Variants in CTSV observed in about 807,000 individuals in gnomAD.
The protein encoded by CTSV is cathepsin L2.
CTSV carries 33 observed loss-of-function variants against 35.6 expected under a neutral mutation model. That is an observed-to-expected ratio of 0.93 (90% CI 0.70 to 1.24). The LOEUF (loss-of-function observed/expected upper bound fraction) is 1.24, where lower values mean the gene tolerates loss of function less well. Ranked by LOEUF, CTSV falls within the 50% of genes most tolerant of loss-of-function variation. The probability of loss-of-function intolerance (pLI) is 0.00; values close to 1 mark genes in which losing one functional copy is unlikely to be tolerated. For synonymous variants in CTSV, 154 were observed against 147.1 expected (o/e 1.05, Z -0.34); for missense variants, 408 against 413.1 (o/e 0.99, Z 0.11).
Position 97,032,781 on chromosome 9 carries a change from G to T in CTSV, c.*168C>A, listed in dbSNP as rs1828775625. ...AAAGCTGTGTATAACAATAATTAAAGTAGTGGTAACATTTTACCCTTGTAA... is the reference window on the plus strand; with the variant it reads ...AAAGCTGTGTATAACAATAATTAAATTAGTGGTAACATTTTACCCTTGTAA... On this transcript the variant is annotated 3_prime_UTR_variant, in exon 8 of 8. Coordinates refer to ENST00000259470, the MANE Select transcript of CTSV (RefSeq NM_001333.4). 1 of 489,614 alleles carries T rather than the reference G, an allele frequency of 2.0e-6. No individual in the cohort carries two copies. Among genetic ancestry groups the T allele is most frequent in the Non-Finnish European group, 3.6e-6 (1 of 277,308 alleles). The allele number at this position is 489,614 out of a possible 1,614,324, so 30.3% of individuals were successfully genotyped here. A position where few individuals can be genotyped will look rare whatever the true frequency, so the allele number is the denominator to read the frequency against.
rs780898535 is a variant in CTSV at position 97,033,019 on chromosome 9, T to C, written c.935A>G (p.Tyr312Cys). 6.8e-6 allele frequency: 11 copies of C among 1,613,294 alleles called. No individual in the cohort carries two copies. The highest frequency in any genetic ancestry group is 2.2e-5 in the East Asian group (1 of 44,872). Residue 312 changes from tyrosine to cysteine, a missense_variant, in exon 8 of 8, where the codon TAT (tyrosine) becomes TGT (cysteine). Coordinates refer to ENST00000259470, the MANE Select transcript of CTSV (RefSeq NM_001333.4). ...GTTCTTGTCTTTGGCTATTTTTACATAGCCATTCGAGCCCCATTCTGGACC... is the reference window on the plus strand; with the variant it reads ...GTTCTTGTCTTTGGCTATTTTTACACAGCCATTCGAGCCCCATTCTGGACC... ...SWGPEWGSNGYVKIAKDKNNH... is the reference protein window; with the variant it reads ...SWGPEWGSNGCVKIAKDKNNH...
At chr9:97,033,452 TTA>T (rs1828790066) in intron 7 of CTSV, among the ~76,000 whole-genome samples, 1 of 109,280 alleles carries the variant, frequency 9.2e-6, no homozygotes, top group African/African-American at 4.6e-5. Flanking sequence ...CTCTACTAAA[TTA>T]AAAAAAAAAA....
In CTSV at chr9:97,039,142, T is replaced by C. The variant is rs544247118; in HGVS notation, c.-82A>G. ...GAGATTACAGACGTCCGCGGTCTGG[T>C]GCAGGTTCGCCCGCCTCGGGATTTA... On this transcript the variant is annotated 5_prime_UTR_variant, in exon 1 of 8. Coordinates refer to ENST00000259470, the MANE Select transcript of CTSV (RefSeq NM_001333.4). 1.2e-3 allele frequency: 186 copies of C among 152,418 alleles called. 1 individual carries two copies. The highest frequency in any genetic ancestry group is 4.2e-3 in the African/African-American group (174 of 41,588). 9.4% of individuals were successfully genotyped at this position (152,418 alleles called of 1,614,324 possible).
rs1211822782 is a variant in CTSV, at chr9:97,030,972, A to G, written c.*1977T>C. 6.6e-6 allele frequency: 1 copy of G among 152,262 alleles called. No homozygotes were observed. The highest frequency in any genetic ancestry group is 1.5e-5 in the Non-Finnish European group (1 of 68,048). 9.4% of individuals were successfully genotyped at this position (152,262 alleles called of 1,614,324 possible). On this transcript the variant is annotated 3_prime_UTR_variant, in exon 8 of 8. Coordinates refer to ENST00000259470, the MANE Select transcript of CTSV (RefSeq NM_001333.4). Reference sequence around the variant, plus strand: ...GCTTGTTTGAAAAACGCTTTTAGACAACACATCAGGTTTGTAACTTTTCAC... The same window carrying G: ...GCTTGTTTGAAAAACGCTTTTAGACGACACATCAGGTTTGTAACTTTTCAC...
Position 97,035,547 on chromosome 9 carries a change from G to T in CTSV, c.768C>A (p.Ser256=), listed in dbSNP as rs1444254335. 6.4e-7 allele frequency: 1 copy of T among 1,554,774 alleles called. No homozygotes were observed. The highest frequency in any genetic ancestry group is 8.7e-7 in the Non-Finnish European group (1 of 1,146,226). Residue 256 remains serine, a synonymous_variant, in exon 6 of 8, where the codon TCC becomes TCA. Coordinates refer to ENST00000259470, the MANE Select transcript of CTSV (RefSeq NM_001333.4). ...ISVAMDAGHS[S]FQFYKSGIYF... ...ACTTACCTGATTTGTAGAACTGGAA[G>T]GACGAATGGCCTGCATCCATAGCAA...
chr9:97,038,148 T>C lies in CTSV; in HGVS notation c.-10-95A>G, dbSNP rs1194408533. The C allele has an allele frequency of 6.1e-6, 8 of 1,309,714 alleles. No individual in the cohort carries two copies. The East Asian group carries it at 1.8e-4, about 29-fold the overall frequency. 81.1% of individuals were successfully genotyped at this position (1,309,714 alleles called of 1,614,324 possible). ...ATAGAAATATTTCAATTATTCTCCC[T>C]AGCATTTCCCCAAGGACTGTGGAAG... On this transcript the variant is annotated intron_variant, in intron 1 of 7. Coordinates refer to ENST00000259470, the MANE Select transcript of CTSV (RefSeq NM_001333.4).
chr9:97,035,089 T>A (rs538608725), intron 6 of CTSV, among the ~76,000 whole-genome samples: 1 of 152,120 alleles, frequency 6.6e-6, no homozygotes, highest in African/African-American at 2.4e-5. Flanking sequence ...CCAAAAAAAA[T>A]GAAAATCCAA....
chr9:97,035,571 A>C lies in CTSV; in HGVS notation c.744T>G (p.Val248=), dbSNP rs1828832650. 14 of 1,592,180 alleles carry C rather than the reference A, an allele frequency of 8.8e-6. No individual in the cohort carries two copies. The highest frequency in any genetic ancestry group is 8.6e-6 in the Non-Finnish European group (10 of 1,166,916). ...AGGACGAATGGCCTGCATCCATAGC[A>C]ACGGAGATGGGCCCCACAGTTGCGA... The part of the protein sequence containing the change: ...KAVATVGPIS[V]AMDAGHSSFQ... The change falls in exon 6 of 8, where the codon GTT becomes GTG. Residue 248 remains valine (V), a synonymous_variant. Transcript: ENST00000259470.
chr9:97,037,227 G>A, intron 4 of CTSV, 25 bp downstream of exon 4: 1 of 1,605,556 alleles, frequency 6.2e-7, no homozygotes, highest in Non-Finnish European at 8.5e-7. Flanking sequence ...TGTGGAGACA[G>A]GGTCTGAATC....
intron 2 of CTSV, 67 bp downstream of exon 2, chr9:97,037,851 T>C: frequency 1.9e-6 from 3 of 1,589,282 alleles, no homozygotes; most frequent in South Asian, 2.2e-5. Flanking sequence ...ACTCTCTGGC[T>C]ATCAACTCCC....
chr9:97,033,121 A>T, intron 7 of CTSV, 73 bp from the exon 8 acceptor site: 1 of 937,496 alleles, frequency 1.1e-6, no homozygotes, highest in Non-Finnish European at 1.7e-6. Flanking sequence ...AATAATAGCT[A>T]ATACTTAAAC....
intron 7 of CTSV, among the ~76,000 whole-genome samples, chr9:97,033,502 G>A (rs1828791216): frequency 6.6e-6 from 1 of 151,918 alleles, no homozygotes; most frequent in Non-Finnish European, 1.5e-5. Context: ...CCAGCTACTT[G>A]GGAGGCTGAG....
At chr9:97,037,662 C>A in intron 2 of CTSV, 47 bp from the exon 3 acceptor site, 2 of 1,599,884 alleles carry the variant, frequency 1.3e-6, no homozygotes, top group South Asian at 2.3e-5. Flanking sequence ...ACTTACCCAA[C>A]CCATGTTCAC....
chr9:97,030,795 C>T lies in CTSV; in HGVS notation c.*2154G>A, dbSNP rs1426318053. On this transcript the variant is annotated 3_prime_UTR_variant, in exon 8 of 8. Coordinates refer to ENST00000259470, the MANE Select transcript of CTSV (RefSeq NM_001333.4). Reference sequence around the variant, plus strand: ...CCCTGGGTGGTCCAGGTGTTCCTTGCTCTCATTCCGGTAAACCTTCAGCAT... The same window carrying T: ...CCCTGGGTGGTCCAGGTGTTCCTTGTTCTCATTCCGGTAAACCTTCAGCAT... 1 of 152,178 alleles carries T rather than the reference C, an allele frequency of 6.6e-6. No individual in the cohort carries two copies. The highest frequency in any genetic ancestry group is 1.5e-5 in the Non-Finnish European group (1 of 68,046). The allele number at this position is 152,178 out of a possible 1,614,324, so 9.4% of individuals were successfully genotyped here. A position where few individuals can be genotyped will look rare whatever the true frequency, so the allele number is the denominator to read the frequency against.
intron 5 of CTSV, chr9:97,036,259 G>A (rs1828847949): frequency 4.5e-6 from 2 of 447,004 alleles, no homozygotes; most frequent in East Asian, 9.1e-5. Flanking sequence ...TTTTAGTAGA[G>A]ACGGGGTTTC....
rs983695501 is a variant in CTSV, at chr9:97,030,805, G to C, written c.*2144C>G. 1.3e-5 allele frequency: 2 copies of C among 152,064 alleles called. No homozygotes were observed. Among genetic ancestry groups the C allele is most frequent in the Non-Finnish European group, 2.9e-5 (2 of 68,012 alleles). 9.4% of individuals were successfully genotyped at this position (152,064 alleles called of 1,614,324 possible). The stretch of plus-strand genomic sequence containing the variant: ...TCCAGGTGTTCCTTGCTCTCATTCC[G>C]GTAAACCTTCAGCATGGCGTCATGG... On this transcript the variant is annotated 3_prime_UTR_variant, in exon 8 of 8. Coordinates refer to ENST00000259470, the MANE Select transcript of CTSV (RefSeq NM_001333.4).
chr9:97,037,405 G>C lies in CTSV; in HGVS notation c.250-7C>G, dbSNP rs759378406. On this transcript the variant is annotated splice_polypyrimidine_tract_variant and splice_region_variant and intron_variant, in intron 3 of 7. Transcript: ENST00000259470. ...GCCTGAATTCTTCATTGGTCTTCAA[G>C]GAGAAGTAAATAAAATGTTAAAAGC... The C allele has an allele frequency of 2.5e-6, 4 of 1,613,946 alleles. No individual in the cohort carries two copies. Among genetic ancestry groups the C allele is most frequent in the Non-Finnish European group, 3.4e-6 (4 of 1,179,948 alleles).
intron 5 of CTSV, 53 bp downstream of exon 5, chr9:97,036,470 G>T: frequency 7.8e-7 from 1 of 1,278,676 alleles, no homozygotes; most frequent in Non-Finnish European, 1.1e-6. Flanking sequence ...CTCTGAAAGT[G>T]TTCCACTTTC....
At chr9:97,033,114 A>G (rs1433677649) in intron 7 of CTSV, 66 bp from the exon 8 acceptor site, 6 of 980,690 alleles carry the variant, frequency 6.1e-6, no homozygotes, top group Admixed American at 5.7e-5. Flanking sequence ...CATTAATAAT[A>G]ATAGCTAATA....
Sources: gnomAD v4.1 joint callset for allele counts (sites outside exome capture counted in the v4.1 genomes callset) on GRCh38, gnomAD v4.1.1 for gene constraint, MANE v1.5 for transcripts, NCBI Gene and HGNC (gene_info 2026-07-23, HGNC 2026-07-21) for gene names.